Variants in NOL9 observed in about 807,000 individuals in gnomAD.
The protein encoded by NOL9 is nucleolar protein 9, also known as polynucleotide 5'-hydroxyl-kinase NOL9.
NOL9 carries 28 observed loss-of-function variants against 67.9 expected under a neutral mutation model. The ratio of observed to expected loss-of-function variants is 0.41; its 90% CI spans 0.31 to 0.57. The LOEUF is 0.57. NOL9 is among the 20% of genes least tolerant of loss of function. The pLI is 0.25. For missense variants in NOL9, 777 were observed against 897.0 expected, an observed-to-expected ratio of 0.87 and a Z score of 1.71; for synonymous variants, 356 against 352.2, an observed-to-expected ratio of 1.01 and a Z score of -0.12.
chr1:6,526,754 GT>G lies in NOL9; in HGVS notation c.1900del (p.Thr634ProfsTer2). ...LTPVPPEELR[T>X]VNCLLVGAIA... The stretch of plus-strand genomic sequence containing the variant: ...AGCTCCAACGAGCAGACAATTCACG[GT>G]CCTTAGCTCTTCCGGGGGCACAGGG... On this transcript the variant is annotated frameshift_variant, in exon 11 of 12. Transcript: ENST00000377705. LOFTEE classifies it high-confidence loss of function. The G allele has an allele frequency of 6.2e-7, 1 of 1,613,954 alleles. No homozygotes were observed. The highest frequency in any genetic ancestry group is 8.5e-7 in the Non-Finnish European group (1 of 1,179,932).
intron 5 of NOL9, among the ~76,000 whole-genome samples, chr1:6,544,541 G>A (rs1222108582): frequency 6.7e-4 from 7 of 10,460 alleles, no homozygotes; most frequent in South Asian, 6.1e-3. Flanking sequence ...ACGCACACAC[G>A]CACCCCCCCC....
At chr1:6,545,256 C>T (rs927533562) in intron 3 of NOL9, 76 bp from the exon 4 acceptor site, 1 of 1,415,412 alleles carries the variant, frequency 7.1e-7, no homozygotes, top group Non-Finnish European at 9.7e-7. Flanking sequence ...TCAAGCCTCA[C>T]ACAGTTGTGA....
At chr1:6,551,904 G>A (rs1043700526) in intron 1 of NOL9, among the ~76,000 whole-genome samples, 10 of 152,132 alleles carry the variant, frequency 6.6e-5, no homozygotes, top group Non-Finnish European at 1.2e-4. Flanking sequence ...GTGTGGTGGC[G>A]GGCACCTGTA....
At chr1:6,534,028 C>T (rs1639093576) in intron 6 of NOL9, among the ~76,000 whole-genome samples, 1 of 152,140 alleles carries the variant, frequency 6.6e-6, no homozygotes, top group African/African-American at 2.4e-5. Flanking sequence ...GCTGGGATTA[C>T]AGGCATGTGC....
At chr1:6,533,747 T>C (rs1369484437) in intron 6 of NOL9, among the ~76,000 whole-genome samples, 1 of 152,232 alleles carries the variant, frequency 6.6e-6, no homozygotes, top group Non-Finnish European at 1.5e-5. Flanking sequence ...GGGACATATC[T>C]GTAAACAAAA....
At chr1:6,537,399 C>A (rs1449491532) in intron 6 of NOL9, among the ~76,000 whole-genome samples, 1 of 152,100 alleles carries the variant, frequency 6.6e-6, no homozygotes, top group Non-Finnish European at 1.5e-5. Context: ...AACTAAAAAG[C>A]TTCTGCATAA....
In NOL9 at chr1:6,539,872, G is replaced by A. The variant is rs186072768; in HGVS notation, c.1075+1958C>T. ...ATAAGCCAGACAAAGGATAAGTATT[G>A]TGTGACTCCACTTACATGAGAATAG... On this transcript the variant is annotated intron_variant, in intron 6 of 11. Transcript: ENST00000377705. Among the ~76,000 whole-genome samples the A allele has an allele frequency of 2.0e-5, 3 of 152,338 alleles. No homozygotes were observed. In the East Asian group the frequency reaches 5.8e-4, roughly 29 times the overall value.
At chr1:6,531,553 C>T (rs1639028524) in intron 9 of NOL9, among the ~76,000 whole-genome samples, 1 of 152,038 alleles carries the variant, frequency 6.6e-6, no homozygotes. Flanking sequence ...GTGCCAGGTT[C>T]CACTGTGAAC....
At position 6,522,211 on chromosome 1, in the gene NOL9, TG is replaced by T. The variant is rs1376889451; in HGVS notation, c.*3642del. 6.6e-6 allele frequency: 1 copy of T among 152,016 alleles called. No individual in the cohort carries two copies. The highest frequency in any genetic ancestry group is 6.6e-5 in the Admixed American group (1 of 15,254). 9.4% of individuals were successfully genotyped at this position (152,016 alleles called of 1,614,324 possible). ...ATACAAAAAAAATTAGCTAGTGTAG[TG>T]GCGGGCGCCTGTAATCCCGGATACT... On this transcript the variant is annotated 3_prime_UTR_variant, in exon 12 of 12. Transcript: ENST00000377705.
chr1:6,535,969 T>A lies in NOL9; in HGVS notation c.1076-2528A>T, dbSNP rs1639146108. Among the ~76,000 whole-genome samples, 3 of 151,770 alleles carry A rather than the reference T, an allele frequency of 2.0e-5. No individual in the cohort carries two copies. In the South Asian group the frequency reaches 6.3e-4, roughly 32 times the overall value. On this transcript the variant is annotated intron_variant, in intron 6 of 11. Coordinates refer to ENST00000377705, the MANE Select transcript of NOL9 (RefSeq NM_024654.5). ...GTTGGAGGTATCACATTCTCTGACT[T>A]CAAAAGCAGTTATAATTAAAAGAGC...
In NOL9 at chr1:6,525,756, C is replaced by A. The variant is rs1316761256; in HGVS notation, c.*98G>T. 3 of 1,229,604 alleles carry A rather than the reference C, an allele frequency of 2.4e-6. No homozygotes were observed. In the East Asian group the frequency reaches 7.0e-5, roughly 29 times the overall value. 76.2% of individuals were successfully genotyped at this position (1,229,604 alleles called of 1,614,324 possible). A position where few individuals can be genotyped will look rare whatever the true frequency, so the allele number is the denominator to read the frequency against. ...AAAAACACTGTTGCTAATAAGGGCA[C>A]CATTCATGGCCATGAAACTCCATCA... On this transcript the variant is annotated 3_prime_UTR_variant, in exon 12 of 12. Coordinates refer to ENST00000377705, the MANE Select transcript of NOL9 (RefSeq NM_024654.5).
In NOL9 at chr1:6,554,221, T is replaced by A; in HGVS notation, c.282A>T (p.Glu94Asp). Residue 94 changes from glutamate to aspartate, a missense_variant, in exon 1 of 12, where the codon GAA becomes GAT. Transcript: ENST00000377705. ...SPIPSPTPAS[E>D]PESEPELESA... ...ATTCGAGTTCGGGTTCGGACTCGGG[T>A]TCGGAGGCCGGGGTCGGGCTAGGGA... The A allele has an allele frequency of 6.6e-7, 1 of 1,515,742 alleles. No individual in the cohort carries two copies. Among genetic ancestry groups the A allele is most frequent in the Non-Finnish European group, 8.8e-7 (1 of 1,131,112 alleles). 93.9% of individuals were successfully genotyped at this position (1,515,742 alleles called of 1,614,324 possible).
At position 6,551,351 on chromosome 1, in the gene NOL9, G is replaced by A. The variant is rs548332882; in HGVS notation, c.397-736C>T. Among the ~76,000 whole-genome samples the A allele has an allele frequency of 7.8e-4, 118 of 152,080 alleles. 1 individual carries two copies. The highest frequency in any genetic ancestry group is 2.7e-3 in the African/African-American group (114 of 41,482). On this transcript the variant is annotated intron_variant, in intron 1 of 11. Coordinates refer to ENST00000377705, the MANE Select transcript of NOL9 (RefSeq NM_024654.5). Reference sequence around the variant, plus strand: ...TCCCAGAACTCTGGGAGAAGGAGGTGGGGGGATCACTTGAGTGAGGCCAGG... The same window carrying A: ...TCCCAGAACTCTGGGAGAAGGAGGTAGGGGGATCACTTGAGTGAGGCCAGG...
At chr1:6,551,072 G>T (rs144010939) in intron 1 of NOL9, among the ~76,000 whole-genome samples, 1 of 152,326 alleles carries the variant, frequency 6.6e-6, no homozygotes, top group African/African-American at 2.4e-5. Context: ...AACACTTTGG[G>T]AAGCTGAGAC....
chr1:6,543,842 G>A (rs1639355548), intron 5 of NOL9, among the ~76,000 whole-genome samples: 1 of 152,048 alleles, frequency 6.6e-6, no homozygotes, highest in Non-Finnish European at 1.5e-5. Flanking sequence ...AAATTAGCCA[G>A]AGGCCGGGCA....
intron 10 of NOL9, among the ~76,000 whole-genome samples, chr1:6,528,720 G>A (rs1444613976): frequency 2.0e-5 from 3 of 152,248 alleles, no homozygotes; most frequent in Non-Finnish European, 4.4e-5. Context: ...ACCCAGCAGT[G>A]ACTGAGACAG....
Position 6,526,020 on chromosome 1 carries a change from G to C in NOL9, c.1960-17C>G. On this transcript the variant is annotated splice_polypyrimidine_tract_variant and intron_variant, in intron 11 of 11. Coordinates refer to ENST00000377705, the MANE Select transcript of NOL9 (RefSeq NM_024654.5). ...GATCCCACGCTGAAACGGAAACACA[G>C]AGAATGCATGGAAACACTCCAGGTC... 5 of 1,611,516 alleles carry C rather than the reference G, an allele frequency of 3.1e-6. No homozygotes were observed. Among genetic ancestry groups the C allele is most frequent in the African/African-American group, 1.3e-5 (1 of 74,970 alleles).
At chr1:6,528,807 C>T (rs967087467) in intron 10 of NOL9, among the ~76,000 whole-genome samples, 187 bp downstream of exon 10, 4 of 152,210 alleles carry the variant, frequency 2.6e-5, no homozygotes, top group African/African-American at 9.6e-5. Flanking sequence ...CAGGAGCTGG[C>T]AGACGAAGCA....
intron 6 of NOL9, among the ~76,000 whole-genome samples, chr1:6,534,521 G>A (rs1002264052): frequency 6.6e-6 from 1 of 152,172 alleles, no homozygotes; most frequent in Non-Finnish European, 1.5e-5. Context: ...CCACTATGAT[G>A]GGAGCTGCGA....
Sources: allele counts gnomAD v4.1 joint callset (sites outside exome capture counted in the v4.1 genomes callset), GRCh38; gene constraint gnomAD v4.1.1; transcripts MANE v1.5; gene names NCBI Gene and HGNC (gene_info 2026-07-23, HGNC 2026-07-21).